ANKRD24: variants seen among roughly 807,000 people sequenced by gnomAD.
ANKRD24 encodes the protein ankyrin repeat domain-containing protein 24.
ANKRD24 carries 109 observed loss-of-function variants against 127.8 expected under a neutral mutation model. The observed-to-expected ratio is 0.85, with a 90% confidence interval of 0.73 to 1.00. The LOEUF is 1.00. Among genes scored for constraint, ANKRD24 ranks in the 50% least tolerant of loss-of-function variants. The probability of loss-of-function intolerance (pLI) is 0.00; values close to 1 mark genes in which losing one functional copy is unlikely to be tolerated. For synonymous variants in ANKRD24, 743 were observed against 671.1 expected (o/e 1.11, Z -1.66); for missense variants, 1,648 against 1,570.2 (o/e 1.05, Z -0.84).
chr19:4,216,109 CG>C, intron 16 of ANKRD24, 59 bp downstream of exon 16: 2 of 1,517,546 alleles, frequency 1.3e-6, no homozygotes, highest in Non-Finnish European at 1.8e-6. Context: ...CCCTGGAAGA[CG>C]GAGCCTCTGG....
intron 18 of ANKRD24, among the ~76,000 whole-genome samples, chr19:4,219,023 C>T (rs150630953): frequency 9.9e-5 from 15 of 152,270 alleles, no homozygotes; most frequent in East Asian, 1.9e-4. Flanking sequence ...CCGTGGCTCA[C>T]GCCTGTAATC....
rs1969477026 is a variant in ANKRD24 at position 4,207,787 on chromosome 19, C to T, written c.651C>T (p.Ala217=). The change falls in exon 10 of 22, where the codon GCC becomes GCT. Residue 217 remains alanine, a synonymous_variant. Transcript: ENST00000318934. ...TAGCCCCCTCCCCTGGTAGGACGGC[C>T]CTGATGCTGGCCTGTGAGGGGGCCA... ...ANDQDLQGRT[A]LMLACEGASP... 6.4e-7 allele frequency: 1 copy of T among 1,572,528 alleles called. No homozygotes were observed. The highest frequency in any genetic ancestry group is 8.6e-7 in the Non-Finnish European group (1 of 1,159,072).
Position 4,198,275 on chromosome 19 carries a change from G to C in ANKRD24, c.37-1408G>C. ...CCCCCAGCCCCCAGCCCCCTACCTG[G>C]GTCTTCCCATTCCATCCCGTGGGGG... On this transcript the variant is annotated intron_variant, in intron 2 of 21. Transcript: ENST00000318934. This position sits in a 1 kb window ranked among gnomAD's most constrained non-coding sequence, Gnocchi z 6.1. 2 of 448,678 alleles carry C rather than the reference G, an allele frequency of 4.5e-6. 1 individual carries two copies. Among genetic ancestry groups the C allele is most frequent in the South Asian group, 8.5e-5 (2 of 23,610 alleles). The allele number at this position is 448,678 out of a possible 1,614,324, so 27.8% of individuals were successfully genotyped here.
intron 7 of ANKRD24, among the ~76,000 whole-genome samples, chr19:4,203,885 A>G (rs1480588480): frequency 1.3e-5 from 2 of 149,958 alleles, no homozygotes; most frequent in Non-Finnish European, 3.0e-5. Flanking sequence ...TCCTGACCTC[A>G]GGTGATCTGC....
intron 13 of ANKRD24, among the ~76,000 whole-genome samples, chr19:4,211,829 A>G (rs1052863517): frequency 6.6e-6 from 1 of 152,136 alleles, no homozygotes; most frequent in African/African-American, 2.4e-5. Flanking sequence ...AGAATGGTGC[A>G]TGCTGGCACA....
chr19:4,191,402 G>A (rs995140027), intron 2 of ANKRD24, among the ~76,000 whole-genome samples: 4 of 151,948 alleles, frequency 2.6e-5, no homozygotes, highest in African/African-American at 7.3e-5. Flanking sequence ...GGCACTCTCC[G>A]GCCTTTCCTG....
intron 2 of ANKRD24, among the ~76,000 whole-genome samples, chr19:4,190,901 A>G (rs1439502813): frequency 1.3e-5 from 2 of 152,260 alleles, no homozygotes; most frequent in Admixed American, 1.3e-4. Flanking sequence ...GCATAGTTAT[A>G]TTTAATATTT....
In ANKRD24 at chr19:4,209,997, G is replaced by A. The variant is rs976580809; in HGVS notation, c.871-61G>A. On this transcript the variant is annotated intron_variant, in intron 11 of 21. Transcript: ENST00000318934. ...GGGGCTGGCTGGGTTGGTTTACTGT[G>A]GGGGAGGCTGGCATGGCCCCCCGAT... The A allele has an allele frequency of 3.9e-6, 4 of 1,023,628 alleles. No individual in the cohort carries two copies. In the South Asian group the frequency reaches 4.3e-5, roughly 11 times the overall value. The allele number at this position is 1,023,628 out of a possible 1,614,324, so 63.4% of individuals were successfully genotyped here. A position where few individuals can be genotyped will look rare whatever the true frequency, so the allele number is the denominator to read the frequency against.
In ANKRD24 at chr19:4,198,192, C is replaced by G; in HGVS notation, c.37-1491C>G. On this transcript the variant is annotated intron_variant, in intron 2 of 21. Coordinates refer to ENST00000318934, the MANE Select transcript of ANKRD24 (RefSeq NM_001393985.1). The surrounding 1 kb of genome is among the most constrained non-coding windows in gnomAD (Gnocchi z 6.1). ...GGAGCCGGGCCCCCGGCGCCGCGTC[C>G]TCCTCATCCTCCAGGCGACAAGGTC... is the stretch of plus-strand genomic sequence containing the variant. 3.5e-6 allele frequency: 2 copies of G among 573,564 alleles called. No individual in the cohort carries two copies. Among genetic ancestry groups the G allele is most frequent in the South Asian group, 4.0e-5 (2 of 49,564 alleles). 35.5% of individuals were successfully genotyped at this position (573,564 alleles called of 1,614,324 possible).
At chr19:4,203,052 C>CT (rs551724235) in intron 7 of ANKRD24, 126 bp downstream of exon 7, 49,548 of 599,308 alleles carry the variant, frequency 0.083, 94 homozygotes, top group Middle Eastern at 0.12. Flanking sequence ...TTCTTTCTTT[C>CT]TTTTTTTTTT....
chr19:4,188,484 A>G (rs1968195105), intron 2 of ANKRD24, among the ~76,000 whole-genome samples: 1 of 150,752 alleles, frequency 6.6e-6, no homozygotes, highest in Non-Finnish European at 1.5e-5. Context: ...CCTGGGCTCA[A>G]ACGATCCTCC....
At chr19:4,218,964 T>C (rs1970294350) in intron 18 of ANKRD24, among the ~76,000 whole-genome samples, 1 of 152,042 alleles carries the variant, frequency 6.6e-6, no homozygotes, top group Non-Finnish European at 1.5e-5. Flanking sequence ...GACAGGGTTT[T>C]GCCATGTTGC....
intron 5 of ANKRD24, among the ~76,000 whole-genome samples, chr19:4,201,289 G>C (rs1969082162): frequency 6.6e-6 from 1 of 152,112 alleles, no homozygotes; most frequent in Admixed American, 6.6e-5. Flanking sequence ...AGGCATGGTG[G>C]GCAGGGAATA....
rs1428565422 is a variant in ANKRD24, at chr19:4,198,040, G to T, written c.37-1643G>T. On this transcript the variant is annotated intron_variant, in intron 2 of 21. Coordinates refer to ENST00000318934, the MANE Select transcript of ANKRD24 (RefSeq NM_001393985.1). The surrounding 1 kb of genome is among the most constrained non-coding windows in gnomAD (Gnocchi z 6.1). ...GAGTGGCGAGAGCCCTGCCGGCCGC[G>T]TGGAGGTGCGAGGCTGCGGACGTCG... is the stretch of plus-strand genomic sequence containing the variant. 2 of 409,528 alleles carry T rather than the reference G, an allele frequency of 4.9e-6. No individual in the cohort carries two copies. Among genetic ancestry groups the T allele is most frequent in the African/African-American group, 4.1e-5 (2 of 48,542 alleles). 25.4% of individuals were successfully genotyped at this position (409,528 alleles called of 1,614,324 possible). A position where few individuals can be genotyped will look rare whatever the true frequency, so the allele number is the denominator to read the frequency against.
rs1251043482 is a variant in ANKRD24, at chr19:4,207,264, C to G, written c.489C>G (p.Cys163Trp). 1 of 1,613,800 alleles carries G rather than the reference C, an allele frequency of 6.2e-7. No homozygotes were observed. Among genetic ancestry groups the G allele is most frequent in the East Asian group, 2.2e-5 (1 of 44,866 alleles). ...HHAAAGGCLS[C>W]SEVLCSFKAH... ...CAGCGGCTGGTGGCTGTCTCTCCTG[C>G]TCAGAGGTGCTCTGCTCCTTTAAGG... Residue 163 changes from cysteine to tryptophan, a missense_variant, in exon 8 of 22, where the codon TGC (cysteine) becomes TGG (tryptophan). By Grantham distance (215) the Cys-to-Trp change is radical. Transcript: ENST00000318934.
chr19:4,184,147 C>T (rs1350074089), intron 1 of ANKRD24, among the ~76,000 whole-genome samples: 2 of 152,240 alleles, frequency 1.3e-5, no homozygotes, highest in Non-Finnish European at 2.9e-5. Flanking sequence ...CCTGTCTCCT[C>T]CCTCGGCTCA....
intron 7 of ANKRD24, among the ~76,000 whole-genome samples, chr19:4,205,700 T>A (rs1299455426): frequency 6.6e-6 from 1 of 151,898 alleles, no homozygotes; most frequent in East Asian, 1.9e-4. Context: ...ATATAAAAAT[T>A]AGCCAGGCGT....
In ANKRD24 at chr19:4,217,616, G is replaced by A. The variant is rs1599463337; in HGVS notation, c.2456G>A (p.Arg819Gln). The A allele has an allele frequency of 1.6e-6, 2 of 1,289,452 alleles. No homozygotes were observed. The highest frequency in any genetic ancestry group is 2.0e-6 in the Non-Finnish European group (2 of 1,022,166). 79.9% of individuals were successfully genotyped at this position (1,289,452 alleles called of 1,614,324 possible). Residue 819 changes from arginine (R) to glutamine (Q), a missense_variant, in exon 18 of 22, where the codon CGG becomes CAG. Arg to Gln is a conservative substitution (Grantham distance 43). Transcript: ENST00000318934. The part of the protein sequence containing the change: ...EAASACLDEA[R>Q]ASRLLAEEEA... ...GCCTCGGCCTGCCTGGATGAGGCTC[G>A]GGCCAGCCGGCTGCTGGCGGAGGAG...
At chr19:4,187,972 A>G (rs1276358125) in intron 2 of ANKRD24, among the ~76,000 whole-genome samples, 1 of 152,232 alleles carries the variant, frequency 6.6e-6, no homozygotes, top group Non-Finnish European at 1.5e-5. Flanking sequence ...TTCTCTTGGC[A>G]GGAGCAGAGA....
Sources: allele counts gnomAD v4.1 joint callset (sites outside exome capture counted in the v4.1 genomes callset), GRCh38; gene constraint gnomAD v4.1.1; non-coding constraint Gnocchi (gnomAD v3.1); transcripts MANE v1.5; gene names NCBI Gene and HGNC (gene_info 2026-07-23, HGNC 2026-07-21).